The following ACSS1 variants were observed in gnomAD, a reference collection of about 807,000 sequenced individuals.
ACSS1 encodes the protein acetyl-coenzyme A synthetase 2-like, mitochondrial.
ACSS1 carries 42 observed loss-of-function variants against 75.3 expected under a neutral mutation model. That is an observed-to-expected ratio of 0.56 (90% CI 0.44 to 0.72). The LOEUF is 0.72. ACSS1 is among the 30% of genes least tolerant of loss of function. ACSS1 has a pLI of 0.00. For synonymous variants in ACSS1, 380 were observed against 376.8 expected, an observed-to-expected ratio of 1.01 and a Z score of -0.10; for missense variants, 782 against 935.7, an observed-to-expected ratio of 0.84 and a Z score of 2.14.
intron 6 of ACSS1, among the ~76,000 whole-genome samples, chr20:25,020,571 A>G (rs1375881829): frequency 1.3e-5 from 2 of 152,220 alleles, no homozygotes; most frequent in African/African-American, 4.8e-5. Context: ...GAGCAGGGCC[A>G]TGTGCCCGGC....
chr20:25,054,935 G>C (rs2089222480), intron 1 of ACSS1, among the ~76,000 whole-genome samples: 2 of 152,186 alleles, frequency 1.3e-5, no homozygotes, highest in African/African-American at 4.8e-5. Flanking sequence ...CATGATAAGG[G>C]AGCTCCTTCC....
chr20:25,053,419 G>A (rs967737692), intron 1 of ACSS1, among the ~76,000 whole-genome samples: 8 of 151,912 alleles, frequency 5.3e-5, no homozygotes, highest in Admixed American at 5.3e-4. Flanking sequence ...GAGATATTAC[G>A]TCAGTCACAA....
chr20:25,036,192 C>T (rs1298354442), intron 2 of ACSS1, among the ~76,000 whole-genome samples: 1 of 152,206 alleles, frequency 6.6e-6, no homozygotes, highest in Non-Finnish European at 1.5e-5. Context: ...TCTGCCGGGT[C>T]AAGCTTTTGG....
intron 12 of ACSS1, chr20:25,011,273 C>T (rs2088403817): frequency 6.6e-6 from 1 of 152,276 alleles, no homozygotes. Flanking sequence ...AGGTCACTTC[C>T]ATTGTCCTTT....
intron 5 of ACSS1, among the ~76,000 whole-genome samples, chr20:25,022,395 G>A (rs79297375): frequency 7.1e-6 from 1 of 140,876 alleles, no homozygotes; most frequent in African/African-American, 2.9e-5. Context: ...CAAAACAAAA[G>A]AAAAAACAAT....
intron 1 of ACSS1, among the ~76,000 whole-genome samples, chr20:25,048,476 A>G (rs1222219430): frequency 6.6e-6 from 1 of 152,170 alleles, no homozygotes; most frequent in African/African-American, 2.4e-5. Context: ...TAGAGACCCC[A>G]TCCAATGGGT....
At chr20:25,018,797 G>T (rs1267249150) in intron 7 of ACSS1, among the ~76,000 whole-genome samples, 2 of 152,180 alleles carry the variant, frequency 1.3e-5, no homozygotes, top group Non-Finnish European at 2.9e-5. Context: ...CTGTTAATGG[G>T]GAAAATAAGG....
At chr20:25,014,426 A>G (rs1245527115) in intron 8 of ACSS1, among the ~76,000 whole-genome samples, 2 of 152,210 alleles carry the variant, frequency 1.3e-5, no homozygotes, top group Non-Finnish European at 2.9e-5. Context: ...TGAACCCAAC[A>G]ACGAAAAAAG....
At chr20:25,042,464 C>T (rs1229138216) in intron 2 of ACSS1, among the ~76,000 whole-genome samples, 1 of 152,162 alleles carries the variant, frequency 6.6e-6, no homozygotes, top group African/African-American at 2.4e-5. Context: ...CCATGGGAGC[C>T]CCACAGACCA....
chr20:25,056,669 G>T (rs1174975584), intron 1 of ACSS1, among the ~76,000 whole-genome samples: 5 of 152,172 alleles, frequency 3.3e-5, no homozygotes, highest in African/African-American at 1.2e-4. Context: ...GGCTGGGGGG[G>T]CAGAACAACA....
intron 2 of ACSS1, among the ~76,000 whole-genome samples, chr20:25,044,345 C>T (rs1443448234): frequency 1.3e-5 from 2 of 152,206 alleles, no homozygotes; most frequent in African/African-American, 2.4e-5. Flanking sequence ...AAACAGGCAC[C>T]GGCCAGGCGC....
At chr20:25,032,822 C>T (rs772829081) in intron 2 of ACSS1, 1 of 452,924 alleles carries the variant, frequency 2.2e-6, no homozygotes, top group Non-Finnish European at 2.9e-6. Context: ...CCAAGGCCAT[C>T]TGCAGAGGGG....
intron 6 of ACSS1, among the ~76,000 whole-genome samples, chr20:25,020,845 G>A (rs1321679718): frequency 6.6e-6 from 1 of 152,262 alleles, no homozygotes; most frequent in African/African-American, 2.4e-5. Context: ...GAGCCACCAT[G>A]ATCTGCTTAC....
intron 3 of ACSS1, among the ~76,000 whole-genome samples, chr20:25,029,415 A>G (rs565787521): frequency 1.3e-5 from 2 of 152,366 alleles, no homozygotes; most frequent in Admixed American, 1.3e-4. Context: ...ATACACTATT[A>G]GTGGAAATGT....
At chr20:25,050,002 A>G (rs538812269) in intron 1 of ACSS1, among the ~76,000 whole-genome samples, 10 of 152,288 alleles carry the variant, frequency 6.6e-5, no homozygotes, top group African/African-American at 2.4e-4. Flanking sequence ...ACAGTTGAGA[A>G]GAATAGTGAG....
intron 3 of ACSS1, among the ~76,000 whole-genome samples, chr20:25,029,338 T>C (rs2088782838): frequency 6.6e-6 from 1 of 152,204 alleles, no homozygotes; most frequent in African/African-American, 2.4e-5. Flanking sequence ...TACAACTTCA[T>C]TCTTACTATG....
intron 2 of ACSS1, among the ~76,000 whole-genome samples, chr20:25,041,724 T>C (rs181374284): frequency 1.7e-5 from 2 of 119,066 alleles, no homozygotes; most frequent in African/African-American, 6.2e-5. Flanking sequence ...AATGTGAAGA[T>C]AGAAGACTGT....
At position 25,006,654 on chromosome 20, in the gene ACSS1, C is replaced by T; in HGVS notation, c.*1108G>A. On this transcript the variant is annotated 3_prime_UTR_variant, in exon 14 of 14. Coordinates refer to ENST00000323482, the MANE Select transcript of ACSS1 (RefSeq NM_032501.4). ...CCTCCTTCCCCTGCCAACCGCCAGCCCCTGCATGCCTAGCAGGGAGGTAAG... is the reference window on the plus strand; with the variant it reads ...CCTCCTTCCCCTGCCAACCGCCAGCTCCTGCATGCCTAGCAGGGAGGTAAG... 4 of 706,954 alleles carry T rather than the reference C, an allele frequency of 5.7e-6. No individual in the cohort carries two copies. The highest frequency in any genetic ancestry group is 8.9e-6 in the Non-Finnish European group (4 of 450,438). The allele number at this position is 706,954 out of a possible 1,614,324, so 43.8% of individuals were successfully genotyped here. A position where few individuals can be genotyped will look rare whatever the true frequency, so the allele number is the denominator to read the frequency against.
At chr20:25,020,202 A>C in intron 6 of ACSS1, 55 bp from the exon 7 acceptor site, 1 of 1,608,988 alleles carries the variant, frequency 6.2e-7, no homozygotes, top group Non-Finnish European at 8.5e-7. Context: ...GTTTACTTTA[A>C]ACTCAGAGAT....
Sources: gnomAD v4.1 joint callset for allele counts (sites outside exome capture counted in the v4.1 genomes callset) on GRCh38, gnomAD v4.1.1 for gene constraint, MANE v1.5 for transcripts, NCBI Gene and HGNC (gene_info 2026-07-23, HGNC 2026-07-21) for gene names.